The following CNTN5 variants were observed in gnomAD, a reference collection of about 807,000 sequenced individuals.
CNTN5 encodes contactin-5.
Under a neutral mutation model 129.1 loss-of-function variants are expected in CNTN5, and 77 were observed. The ratio of observed to expected loss-of-function variants is 0.60; its 90% CI spans 0.50 to 0.72. The LOEUF is 0.72. Among genes scored for constraint, CNTN5 ranks in the 30% least tolerant of loss-of-function variants. The pLI is 0.00. For synonymous variants in CNTN5, 509 were observed against 465.6 expected, an observed-to-expected ratio of 1.09 and a Z score of -1.20; for missense variants, 1,478 against 1,328.8, an observed-to-expected ratio of 1.11 and a Z score of -1.75.
intron 20 of CNTN5, among the ~76,000 whole-genome samples, chr11:100,302,762 C>A (rs593499): frequency 0.51 from 77,650 of 151,320 alleles, 22,517 homozygotes; most frequent in Non-Finnish European, 0.68. Flanking sequence ...ACATTCATAC[C>A]CAGAACATGC....
chr11:100,119,288 C>T (rs937235066), intron 13 of CNTN5, among the ~76,000 whole-genome samples: 1 of 151,848 alleles, frequency 6.6e-6, no homozygotes, highest in Non-Finnish European at 1.5e-5. Flanking sequence ...ATCAATTTGT[C>T]CATGGTTATT....
intron 1 of CNTN5, among the ~76,000 whole-genome samples, chr11:99,110,493 A>G (rs2135380473): frequency 6.6e-6 from 1 of 152,290 alleles, no homozygotes; most frequent in Middle Eastern, 3.4e-3. Flanking sequence ...GGATGCTAAT[A>G]GCTGTGAGGA....
chr11:99,697,316 GGAGAGA>G (rs1162972866), intron 3 of CNTN5, among the ~76,000 whole-genome samples: 1 of 150,476 alleles, frequency 6.6e-6, no homozygotes. Context: ...AAAAAGAGGG[GGAGAGA>G]GAGAGAGAGA....
chr11:99,686,481 ACAT>A (rs1229746025), intron 3 of CNTN5, among the ~76,000 whole-genome samples: 1 of 152,112 alleles, frequency 6.6e-6, no homozygotes, highest in Non-Finnish European at 1.5e-5. Context: ...TAGCAAACAA[ACAT>A]CATTTTTAAA....
rs578144993 is a variant in CNTN5, at chr11:99,067,345, G to C, written c.-210+46075G>C. Among the ~76,000 whole-genome samples the C allele has an allele frequency of 4.0e-5, 6 of 151,552 alleles. No homozygotes were observed. In the South Asian group the frequency reaches 1.2e-3, roughly 32 times the overall value. On this transcript the variant is annotated intron_variant, in intron 1 of 24. Coordinates refer to ENST00000524871, the MANE Select transcript of CNTN5 (RefSeq NM_014361.4). ...TTTTTATTTTCCTTCTCTTTAAAAC[G>C]CTATTGTTCTCCTAAAATAAATATT... is the stretch of plus-strand genomic sequence containing the variant.
intron 3 of CNTN5, among the ~76,000 whole-genome samples, chr11:99,702,118 A>G (rs901816301): frequency 1.3e-5 from 2 of 151,078 alleles, no homozygotes; most frequent in African/African-American, 4.8e-5. Context: ...GCTCACAAAA[A>G]CTACCTTATC....
chr11:100,274,258 C>T (rs570522043), intron 18 of CNTN5, among the ~76,000 whole-genome samples: 1 of 152,238 alleles, frequency 6.6e-6, no homozygotes, highest in East Asian at 1.9e-4. Context: ...AGATACAAAA[C>T]TATCAAAATG....
At chr11:100,196,073 C>T (rs994975596) in intron 15 of CNTN5, among the ~76,000 whole-genome samples, 1 of 151,754 alleles carries the variant, frequency 6.6e-6, no homozygotes, top group African/African-American at 2.4e-5. Flanking sequence ...TTTGAGTTTC[C>T]AAGAAGAGTC....
At chr11:100,093,684 G>A (rs1591229362) in intron 13 of CNTN5, among the ~76,000 whole-genome samples, 1 of 152,108 alleles carries the variant, frequency 6.6e-6, no homozygotes, top group East Asian at 1.9e-4. Flanking sequence ...CCTGACTTGA[G>A]TTCAGGGCCA....
chr11:100,031,787 T>C (rs766199043), intron 9 of CNTN5, among the ~76,000 whole-genome samples: 1 of 152,222 alleles, frequency 6.6e-6, no homozygotes, highest in Non-Finnish European at 1.5e-5. Flanking sequence ...CATACAGGTG[T>C]TATGTGAAAG....
In CNTN5 at chr11:100,297,641, C is replaced by A. The variant is rs760577034; in HGVS notation, c.2331C>A (p.Pro777=). The A allele has an allele frequency of 6.2e-7, 1 of 1,606,626 alleles. No individual in the cohort carries two copies. The highest frequency in any genetic ancestry group is 8.5e-7 in the Non-Finnish European group (1 of 1,175,616). Residue 777 remains proline, a synonymous_variant, in exon 19 of 25, where the codon CCC becomes CCA. Coordinates refer to ENST00000524871, the MANE Select transcript of CNTN5 (RefSeq NM_014361.4). ...TATCCACAGTTCCGAAGACAGCACC[C>A]ACCAATGTAAGCGGAAGAAGTGGAA... is the stretch of plus-strand genomic sequence containing the variant. ...RTNEAVPKTA[P]TNVSGRSGRR...
intron 1 of CNTN5, among the ~76,000 whole-genome samples, chr11:99,113,331 A>T (rs974311329): frequency 5.3e-5 from 8 of 152,110 alleles, no homozygotes; most frequent in African/African-American, 1.9e-4. Flanking sequence ...TCCATTATTT[A>T]TATGAGTTGT....
intron 13 of CNTN5, among the ~76,000 whole-genome samples, chr11:100,168,437 G>A (rs889447899): frequency 2.0e-5 from 3 of 151,930 alleles, no homozygotes; most frequent in African/African-American, 7.2e-5. Flanking sequence ...TCCAAAAATT[G>A]TAGGGCTCTT....
intron 2 of CNTN5, among the ~76,000 whole-genome samples, chr11:99,445,050 A>G (rs1157284549): frequency 6.7e-6 from 1 of 148,364 alleles, no homozygotes; most frequent in Non-Finnish European, 1.5e-5. Context: ...ATATTTATAT[A>G]TACATTTATA....
intron 2 of CNTN5, among the ~76,000 whole-genome samples, chr11:99,407,705 T>A (rs1470040465): frequency 6.6e-6 from 1 of 152,144 alleles, no homozygotes; most frequent in Non-Finnish European, 1.5e-5. Context: ...GCCTTTAGCT[T>A]GTAGTGGCAA....
At chr11:99,243,736 ATTT>A (rs35250111) in intron 1 of CNTN5, among the ~76,000 whole-genome samples, 3,058 of 117,630 alleles carry the variant, frequency 0.026, 225 homozygotes, top group East Asian at 0.2. Context: ...CCTATTGCTT[ATTT>A]TTTTTTTTTT....
In CNTN5 at chr11:100,294,800, G is replaced by A. The variant is rs1193361774; in HGVS notation, c.2315-2825G>A. Among the ~76,000 whole-genome samples the A allele has an allele frequency of 2.0e-5, 3 of 151,546 alleles. No individual in the cohort carries two copies. In the East Asian group the frequency reaches 5.8e-4, roughly 29 times the overall value. On this transcript the variant is annotated intron_variant, in intron 18 of 24. Transcript: ENST00000524871. ...CGAAAGATTAAGTCAAATCCCTTCA[G>A]ATCAGGAATATGTTGTTTTATAAAG...
At chr11:99,228,052 T>C (rs1860783642) in intron 1 of CNTN5, among the ~76,000 whole-genome samples, 1 of 152,056 alleles carries the variant, frequency 6.6e-6, no homozygotes, top group Non-Finnish European at 1.5e-5. Flanking sequence ...TGCCCAGTTG[T>C]TGGATATTTT....
intron 3 of CNTN5, among the ~76,000 whole-genome samples, chr11:99,805,447 A>G (rs1405042278): frequency 6.6e-6 from 1 of 152,182 alleles, no homozygotes; most frequent in East Asian, 1.9e-4. Flanking sequence ...TAGAGAAAAA[A>G]ATTAGAAATA....
Sources: gnomAD v4.1 joint callset for allele counts (sites outside exome capture counted in the v4.1 genomes callset) on GRCh38, gnomAD v4.1.1 for gene constraint, MANE v1.5 for transcripts, NCBI Gene and HGNC (gene_info 2026-07-23, HGNC 2026-07-21) for gene names.